Variants in DEAF1 observed in about 807,000 individuals in gnomAD.
DEAF1 encodes DEAF1 transcription factor.
DEAF1 carries 53 observed loss-of-function variants against 58.9 expected under a neutral mutation model. That is an observed-to-expected ratio of 0.90 (90% confidence interval 0.72 to 1.13). The LOEUF is 1.13. Ranked by LOEUF, DEAF1 falls within the 50% of genes most tolerant of loss-of-function variation. The pLI, the probability that DEAF1 is intolerant of heterozygous loss-of-function variation, is 0.00. For missense variants in DEAF1, 685 were observed against 791.4 expected (o/e 0.87, Z 1.61); for synonymous variants, 385 against 340.4 (o/e 1.13, Z -1.44).
chr11:700,208 G>A (rs769064980), upstream of DEAF1: 13 of 1,613,904 alleles, frequency 8.1e-6, no homozygotes, highest in Admixed American at 6.7e-5. Context: ...GTATTTCCTC[G>A]CCACGCTCCT....
chr11:669,013 G>A (rs1859682342), intron 10 of DEAF1, among the ~76,000 whole-genome samples: 1 of 151,926 alleles, frequency 6.6e-6, no homozygotes. Flanking sequence ...TTTTAGTAGA[G>A]ACGGGGTTTT....
rs1860262547 is a variant in DEAF1 at position 679,791 on chromosome 11, G to C, written c.1023C>G (p.Ile341Met). Reference protein sequence around the residue: ...TTFTVTPSGQITTSGALTFDR... With the variant: ...TTFTVTPSGQMTTSGALTFDR... ...CAAAGGTCAGTGCCCCCGAGGTCGTGATCTGTCCCGAGGGGGTCACGGTGA... is the reference window on the plus strand; with the variant it reads ...CAAAGGTCAGTGCCCCCGAGGTCGTCATCTGTCCCGAGGGGGTCACGGTGA... Residue 341 changes from isoleucine to methionine, a missense_variant, in exon 8 of 12, where the codon ATC (isoleucine) becomes ATG (methionine). Coordinates refer to ENST00000382409, the MANE Select transcript of DEAF1 (RefSeq NM_021008.4). The C allele has an allele frequency of 1.2e-6, 2 of 1,613,860 alleles. No individual in the cohort carries two copies. Among genetic ancestry groups the C allele is most frequent in the Non-Finnish European group, 8.5e-7 (1 of 1,180,042 alleles).
rs373861624 is a variant in DEAF1, at chr11:684,913, G to A, written c.855C>T (p.Cys285=). Residue 285 remains cysteine, a synonymous_variant, in exon 6 of 12, where the codon TGC becomes TGT. Coordinates refer to ENST00000382409, the MANE Select transcript of DEAF1 (RefSeq NM_021008.4). ...HAASCTCAAC[C]DDMTLSGPVR... Reference sequence around the variant, plus strand: ...GGCCACTTACTAAGGTCATGTCGTCGCAGCAGGCAGCACAGGTGCAAGAGG... The same window carrying A: ...GGCCACTTACTAAGGTCATGTCGTCACAGCAGGCAGCACAGGTGCAAGAGG... The A allele has an allele frequency of 3.0e-4, 472 of 1,551,334 alleles. 3 individuals carry two copies. Among genetic ancestry groups the A allele is most frequent in the Admixed American group, 6.1e-4 (31 of 50,956 alleles).
chr11:693,149 C>T (rs1347983999), intron 1 of DEAF1, among the ~76,000 whole-genome samples: 2 of 152,194 alleles, frequency 1.3e-5, no homozygotes, highest in African/African-American at 4.8e-5. Flanking sequence ...CCATATTTTT[C>T]AGAAGAAAAC....
At position 644,329 on chromosome 11, in the gene DEAF1, T is replaced by TA. The variant is rs914129593; in HGVS notation, c.*220dup. The TA allele has an allele frequency of 1.1e-5, 7 of 609,290 alleles. No individual in the cohort carries two copies. The highest frequency in any genetic ancestry group is 5.5e-5 in the African/African-American group (3 of 54,308). The allele number at this position is 609,290 out of a possible 1,614,324, so 37.7% of individuals were successfully genotyped here. A position where few individuals can be genotyped will look rare whatever the true frequency, so the allele number is the denominator to read the frequency against. ...GACCGGACGCTCATGATCCCAGGGA[T>TA]AAAAAATCTGTCCGCGAGCGGGCAG... On this transcript the variant is annotated 3_prime_UTR_variant, in exon 12 of 12. Transcript: ENST00000382409. The surrounding 1 kb of genome is among the most constrained non-coding windows in gnomAD (Gnocchi z 4.3).
rs1222232778 is a variant in DEAF1, at chr11:644,679, CAGCAGGGTCAGTGGGTGG to C, written c.1594-43_1594-26del. ...CCTGGAAGGGAGGACACACCCATGT[CAGCAGGGTCAGTGGGTGG>C]AGCAGGGTCTGGGCAGGGTCCCCAA... is the stretch of plus-strand genomic sequence containing the variant. On this transcript the variant is annotated intron_variant, in intron 11 of 11. Coordinates refer to ENST00000382409, the MANE Select transcript of DEAF1 (RefSeq NM_021008.4). This position sits in a 1 kb window ranked among gnomAD's most constrained non-coding sequence, Gnocchi z 4.3. 3.8e-6 allele frequency: 6 copies of C among 1,568,912 alleles called. No homozygotes were observed. Among genetic ancestry groups the C allele is most frequent in the Non-Finnish European group, 5.2e-6 (6 of 1,153,494 alleles).
intron 9 of DEAF1, 123 bp downstream of exon 9, chr11:678,571 T>C (rs551814975): frequency 1.4e-6 from 2 of 1,400,948 alleles, no homozygotes; most frequent in Non-Finnish European, 2.0e-6. Context: ...CAGCCACTGA[T>C]CTAATGCATC....
chr11:700,372 C>T (rs1861391987), intron 1 of DEAF1: 5 of 840,770 alleles, frequency 5.9e-6, no homozygotes. Flanking sequence ...ACTAAAAACA[C>T]AAAAAGTAGC....
At chr11:703,134 C>G (rs145834998) in intron 1 of DEAF1, 19 of 1,607,984 alleles carry the variant, frequency 1.2e-5, no homozygotes, top group Non-Finnish European at 1.5e-5. Flanking sequence ...GTTGCCATCG[C>G]GGCCTTCACC....
intron 5 of DEAF1, 95 bp downstream of exon 5, chr11:686,763 G>C: frequency 6.4e-7 from 1 of 1,554,506 alleles, no homozygotes; most frequent in Non-Finnish European, 8.8e-7. Context: ...CCATTTGTCT[G>C]ACCCCGTGGT....
Position 694,858 on chromosome 11 carries a change from T to C in DEAF1, c.190A>G (p.Thr64Ala). 5.3e-6 allele frequency: 8 copies of C among 1,497,214 alleles called. No homozygotes were observed. Among genetic ancestry groups the C allele is most frequent in the Non-Finnish European group, 7.1e-6 (8 of 1,128,496 alleles). 92.7% of individuals were successfully genotyped at this position (1,497,214 alleles called of 1,614,324 possible). A position where few individuals can be genotyped will look rare whatever the true frequency, so the allele number is the denominator to read the frequency against. The change falls in exon 1 of 12, where the codon ACG (threonine) becomes GCG (alanine). Residue 64 changes from threonine to alanine, a missense_variant. Physicochemically the swap from Thr to Ala is moderately conservative, Grantham distance 58. Transcript: ENST00000382409. The stretch of plus-strand genomic sequence containing the variant: ...TCCGCCGCCATCACCGCCACTGCCG[T>C]GACCCGCGGCGTCTCCCGCTCCGCC... ...SEAERETPRV[T>A]AVAVMAAEPG...
intron 6 of DEAF1, among the ~76,000 whole-genome samples, chr11:681,411 C>CT (rs145689269): frequency 7.2e-4 from 89 of 123,144 alleles, no homozygotes; most frequent in African/African-American, 2.2e-3. Flanking sequence ...TTCTTTCTTT[C>CT]TTTTTTTTTT....
At chr11:687,775 C>T in intron 4 of DEAF1, 136 bp downstream of exon 4, 1 of 1,149,066 alleles carries the variant, frequency 8.7e-7, no homozygotes. Context: ...GTATTACAGG[C>T]ATCAGCCACC....
intron 11 of DEAF1, among the ~76,000 whole-genome samples, chr11:650,464 T>C (rs1229108711): frequency 6.6e-6 from 1 of 151,208 alleles, no homozygotes; most frequent in Non-Finnish European, 1.5e-5. Flanking sequence ...AAGGGAATGC[T>C]TAAGAGCCAA....
At position 694,750 on chromosome 11, in the gene DEAF1, C is replaced by G. The variant is rs2133437564; in HGVS notation, c.289+9G>C. The G allele has an allele frequency of 7.7e-7, 1 of 1,292,158 alleles. No individual in the cohort carries two copies. The highest frequency in any genetic ancestry group is 9.8e-7 in the Non-Finnish European group (1 of 1,024,804). The allele number at this position is 1,292,158 out of a possible 1,614,324, so 80.0% of individuals were successfully genotyped here. On this transcript the variant is annotated intron_variant, in intron 1 of 11. Coordinates refer to ENST00000382409, the MANE Select transcript of DEAF1 (RefSeq NM_021008.4). ...CCGGACGAGGCGAGAGGCCGGCGGG[C>G]GCACTTGCCTGCGAAGGCTGCGGCA...
At chr11:699,019 C>T, upstream of DEAF1, 1 of 1,083,384 alleles carries the variant, frequency 9.2e-7, no homozygotes, top group Admixed American at 1.7e-5. Context: ...GGGGGGTGTT[C>T]CTTGACAGAT....
At chr11:699,862 C>G (rs1392582866), upstream of DEAF1, 2 of 404,300 alleles carry the variant, frequency 4.9e-6, no homozygotes, top group East Asian at 8.7e-5. Flanking sequence ...GTCCCCTGAC[C>G]AGTCCTGTCC....
chr11:684,901 G>A lies in DEAF1; in HGVS notation c.867C>T (p.Thr289=). 3.9e-6 allele frequency: 6 copies of A among 1,551,470 alleles called. No homozygotes were observed. The highest frequency in any genetic ancestry group is 5.2e-6 in the Non-Finnish European group (6 of 1,146,914). Residue 289 remains threonine, a synonymous_variant, in exon 6 of 12, where the codon ACC becomes ACT. Coordinates refer to ENST00000382409, the MANE Select transcript of DEAF1 (RefSeq NM_021008.4). The stretch of plus-strand genomic sequence containing the variant: ...TCCAGACACGCTGGCCACTTACTAA[G>A]GTCATGTCGTCGCAGCAGGCAGCAC... The part of the protein sequence containing the change: ...CTCAACCDDM[T]LSGPVRLFVP...
intron 11 of DEAF1, among the ~76,000 whole-genome samples, chr11:645,744 G>T (rs1253334408): frequency 6.6e-6 from 1 of 152,338 alleles, no homozygotes; most frequent in South Asian, 2.1e-4. Flanking sequence ...CACAGAACCA[G>T]GCTCTGCCTC....
Sources: gnomAD v4.1 joint callset for allele counts (sites outside exome capture counted in the v4.1 genomes callset) on GRCh38, gnomAD v4.1.1 for gene constraint, Gnocchi (gnomAD v3.1) non-coding constraint, MANE v1.5 for transcripts, NCBI Gene and HGNC (gene_info 2026-07-23, HGNC 2026-07-21) for gene names.